FRMPD2: variants seen among roughly 807,000 people sequenced by gnomAD.
FRMPD2 encodes the protein FERM and PDZ domain containing 2.
FRMPD2 carries 96 observed loss-of-function variants against 140.1 expected under a neutral mutation model. The observed-to-expected ratio is 0.69, with a 90% CI of 0.58 to 0.81. The LOEUF is 0.81. FRMPD2 is among the 40% of genes least tolerant of loss of function. The pLI is 0.00. For synonymous variants in FRMPD2, 449 were observed against 547.6 expected (o/e 0.82, Z 2.52); for missense variants, 1,240 against 1,447.4 (o/e 0.86, Z 2.32).
At chr10:48,237,234 G>T (rs67282046) in intron 8 of FRMPD2, among the ~76,000 whole-genome samples, 17,445 of 152,018 alleles carry the variant, frequency 0.11, 1,029 homozygotes, top group South Asian at 0.13. Flanking sequence ...CAGGACTCTT[G>T]TCCCAAGAGG....
In FRMPD2 at chr10:48,251,611, G is replaced by A. The variant is rs761889194; in HGVS notation, c.106C>T (p.Leu36Phe). Residue 36 changes from leucine (L) to phenylalanine (F), a missense_variant, in exon 2 of 29, where the codon CTC becomes TTC. This residue lies in a region of FRMPD2 where 1,161 missense variants were observed against 1,055.9 expected (regional missense o/e 1.10). Transcript: ENST00000374201. ...EALSEEEIWSLLFLAAEQLLE... is the reference protein window; with the variant it reads ...EALSEEEIWSFLFLAAEQLLE... ...AGCTGCTCAGCGGCCAGGAACAGGA[G>A]GGACCAGATTTCCTCCTCAGACAGA... The A allele has an allele frequency of 6.2e-7, 1 of 1,614,224 alleles. No homozygotes were observed.
rs151127618 is a variant in FRMPD2, at chr10:48,244,926, A to T, written c.310-77T>A. 665 of 1,090,474 alleles carry T rather than the reference A, an allele frequency of 6.1e-4. 10 individuals are homozygous for T. In the East Asian group the frequency reaches 0.014, roughly 23 times the overall value. The allele number at this position is 1,090,474 out of a possible 1,614,324, so 67.5% of individuals were successfully genotyped here. A position where few individuals can be genotyped will look rare whatever the true frequency, so the allele number is the denominator to read the frequency against. On this transcript the variant is annotated intron_variant, in intron 3 of 28. Coordinates refer to ENST00000374201, the MANE Select transcript of FRMPD2 (RefSeq NM_001018071.4). ...TGGCTCTGCAAGAAAAATACAATCC[A>T]ATTTCCACATGAACAGACACTGTTG...
intron 15 of FRMPD2, among the ~76,000 whole-genome samples, chr10:48,200,545 A>G (rs1421650245): frequency 1.3e-5 from 2 of 152,242 alleles, no homozygotes; most frequent in Non-Finnish European, 2.9e-5. Context: ...AGACTGTGAC[A>G]GGAATAAAGT....
Position 48,212,011 on chromosome 10 carries a change from C to G in FRMPD2, c.1554G>C (p.Glu518Asp). 6.2e-7 allele frequency: 1 copy of G among 1,614,134 alleles called. No individual in the cohort carries two copies. The highest frequency in any genetic ancestry group is 8.5e-7 in the Non-Finnish European group (1 of 1,180,012). The part of the protein sequence containing the change: ...TALRVQVEVS[E>D]MHRLSSALWG... ...ACAGTGCAGAGCTGAGCCGGTGCATCTCTGAGACTTCAACCTGGACCCGTA... is the reference window on the plus strand; with the variant it reads ...ACAGTGCAGAGCTGAGCCGGTGCATGTCTGAGACTTCAACCTGGACCCGTA... Residue 518 changes from glutamate (E) to aspartate (D), a missense_variant, in exon 13 of 29, where the codon GAG becomes GAC. Coordinates refer to ENST00000374201, the MANE Select transcript of FRMPD2 (RefSeq NM_001018071.4).
chr10:48,190,023 C>T (rs977664740), intron 16 of FRMPD2, among the ~76,000 whole-genome samples: 1 of 152,192 alleles, frequency 6.6e-6, no homozygotes. Context: ...CAGCACTAGA[C>T]CACGGAGCAA....
At chr10:48,224,892 A>T (rs758162846) in intron 10 of FRMPD2, among the ~76,000 whole-genome samples, 4 of 152,254 alleles carry the variant, frequency 2.6e-5, no homozygotes, top group Admixed American at 2.6e-4. Context: ...TTCACAGGTT[A>T]TGAAAGGTCG....
chr10:48,222,588 G>T, intron 11 of FRMPD2, 137 bp from the exon 12 acceptor site: 1 of 893,584 alleles, frequency 1.1e-6, no homozygotes, highest in South Asian at 1.7e-5. Context: ...CAGAGGCAAT[G>T]CCAGCAAGAC....
At chr10:48,251,831 T>C in intron 1 of FRMPD2, 140 bp from the exon 2 acceptor site, 2 of 918,530 alleles carry the variant, frequency 2.2e-6, no homozygotes, top group Non-Finnish European at 3.3e-6. Flanking sequence ...CCTGGGTCCC[T>C]GGGGTCAGGC....
chr10:48,193,201 C>T (rs951359236), intron 15 of FRMPD2, among the ~76,000 whole-genome samples: 5 of 152,184 alleles, frequency 3.3e-5, no homozygotes, highest in South Asian at 2.1e-4. Context: ...GCGGGTGTGT[C>T]GGGCTCCGGC....
chr10:48,228,893 A>C (rs949410693), intron 10 of FRMPD2, among the ~76,000 whole-genome samples: 2 of 152,072 alleles, frequency 1.3e-5, no homozygotes, highest in African/African-American at 4.8e-5. Flanking sequence ...ACTGAATAAG[A>C]ACATTATAAA....
rs752789692 is a variant in FRMPD2, at chr10:48,204,750, A to T, written c.1797+1998T>A. ...TTTGTAACTTTGTATTCTTTTTCAT[A>T]AAGAGGGCCCTAAATAGCGTGTGTC... On this transcript the variant is annotated intron_variant, in intron 14 of 28. Transcript: ENST00000374201. Among the ~76,000 whole-genome samples the T allele has an allele frequency of 4.4e-4, 67 of 152,256 alleles. 2 individuals are homozygous for T. The highest frequency in any genetic ancestry group is 5.2e-4 in the Admixed American group (8 of 15,292).
intron 10 of FRMPD2, among the ~76,000 whole-genome samples, chr10:48,225,379 ATAGCCAG>A (rs1839699306): frequency 6.6e-6 from 1 of 152,228 alleles, no homozygotes; most frequent in Non-Finnish European, 1.5e-5. Context: ...TCACACAAGG[ATAGCCAG>A]CAGCACAAGG....
intron 16 of FRMPD2, among the ~76,000 whole-genome samples, chr10:48,188,919 G>T (rs760989652): frequency 6.6e-6 from 1 of 152,190 alleles, no homozygotes; most frequent in Non-Finnish European, 1.5e-5. Flanking sequence ...GCACGGCAGC[G>T]GCCAGGGGCT....
chr10:48,184,300 A>G (rs1838622450), intron 20 of FRMPD2, among the ~76,000 whole-genome samples: 1 of 152,194 alleles, frequency 6.6e-6, no homozygotes, highest in Non-Finnish European at 1.5e-5. Flanking sequence ...GACAGAAAAA[A>G]AAAGACTGGT....
At chr10:48,221,256 A>G (rs1210937385) in intron 12 of FRMPD2, among the ~76,000 whole-genome samples, 1 of 152,238 alleles carries the variant, frequency 6.6e-6, no homozygotes. Flanking sequence ...CACTCATTCC[A>G]TAAAAAGGAA....
At chr10:48,244,237 A>G (rs779596226) in intron 4 of FRMPD2, among the ~76,000 whole-genome samples, 11 of 152,210 alleles carry the variant, frequency 7.2e-5, no homozygotes, top group Non-Finnish European at 1.2e-4. Flanking sequence ...TCCCCACCTC[A>G]GCCTCCCAAA....
intron 5 of FRMPD2, 141 bp downstream of exon 5, chr10:48,242,020 G>A (rs549221543): frequency 3.4e-5 from 20 of 587,474 alleles, no homozygotes; most frequent in Middle Eastern, 4.7e-4. Flanking sequence ...GAGTGGCAAC[G>A]GAGCACTTGA....
intron 16 of FRMPD2, among the ~76,000 whole-genome samples, chr10:48,190,335 T>C (rs2131845562): frequency 6.6e-6 from 1 of 152,244 alleles, no homozygotes; most frequent in Admixed American, 6.5e-5. Context: ...CCCAAAAGCA[T>C]GGGAGAGTCC....
At chr10:48,209,703 T>C (rs1263022903) in intron 13 of FRMPD2, among the ~76,000 whole-genome samples, 1 of 152,202 alleles carries the variant, frequency 6.6e-6, no homozygotes, top group East Asian at 1.9e-4. Context: ...GTCTTAGCAA[T>C]ATATATCAAC....
Sources: gnomAD v4.1 joint callset for allele counts (sites outside exome capture counted in the v4.1 genomes callset) on GRCh38, gnomAD v4.1.1 for gene constraint, gnomAD v4.1.1 regional missense constraint, MANE v1.5 for transcripts, NCBI Gene and HGNC (gene_info 2026-07-23, HGNC 2026-07-21) for gene names.